The following GPHN variants were observed in gnomAD, a reference collection of about 807,000 sequenced individuals.
GPHN encodes the protein gephyrin.
Under a neutral mutation model 95.5 loss-of-function variants are expected in GPHN, and 17 were observed. The observed-to-expected ratio is 0.18, with a 90% confidence interval of 0.12 to 0.27. The LOEUF is 0.27. Ranked by LOEUF, GPHN falls within the 10% of genes least tolerant of loss-of-function variation. GPHN has a pLI of 1.00. For missense variants in GPHN, 660 were observed against 978.1 expected (o/e 0.67, Z 4.34); for synonymous variants, 320 against 322.5 (o/e 0.99, Z 0.08).
the GPHN span, among the ~76,000 whole-genome samples, chr14:67,342,557 C>CTTTTTTTTT: frequency 2.9e-5 from 4 of 136,960 alleles, no homozygotes; most frequent in East Asian, 2.1e-4. Context: ...ACGAATTATC[C>CTTTTTTTTT]TTTTTTTTTT....
chr14:66,788,450 T>C (rs1253272243), intron 3 of GPHN, among the ~76,000 whole-genome samples: 1 of 152,260 alleles, frequency 6.6e-6, no homozygotes, highest in Admixed American at 6.5e-5. Context: ...AATGATAACA[T>C]ACTGTAAATC....
chr14:66,824,407 G>A, intron 3 of GPHN, 67 bp from the exon 4 acceptor site: 1 of 780,760 alleles, frequency 1.3e-6, no homozygotes, highest in Non-Finnish European at 2.3e-6. Context: ...AAGTGTCCTA[G>A]GACTGGGATG....
At chr14:67,619,675 G>A in the GPHN span, 2 of 291,626 alleles carry the variant, frequency 6.9e-6, no homozygotes, top group East Asian at 1.3e-4. Flanking sequence ...TTACTGGCCA[G>A]ACCCGGATAT....
In GPHN at chr14:66,681,162, A is replaced by G. The variant is rs766759434; in HGVS notation, c.120A>G (p.Lys40=). 11 of 1,593,748 alleles carry G rather than the reference A, an allele frequency of 6.9e-6. No individual in the cohort carries two copies. Among genetic ancestry groups the G allele is most frequent in the Non-Finnish European group, 9.5e-6 (11 of 1,162,724 alleles). ...LAEDRSGINL[K]DLVQDPSLLG... ...AAGACCGCAGTGGGATAAATCTCAA[A>G]GATCTCGTACAAGATCCTTCTTTGT... The change falls in exon 2 of 23, where the codon AAA becomes AAG. Residue 40 remains lysine, a synonymous_variant. Transcript: ENST00000478722.
At chr14:67,327,883 T>G in the GPHN span, among the ~76,000 whole-genome samples, 23,549 of 152,160 alleles carry the variant, frequency 0.15, 3,441 homozygotes, top group East Asian at 0.42. Flanking sequence ...TAATCCAGTC[T>G]ATCATTGATT....
chr14:67,393,042 C>CCA, the GPHN span: 2 of 964,294 alleles, frequency 2.1e-6, no homozygotes, highest in African/African-American at 3.2e-5. Context: ...AGCCTGTTGC[C>CCA]CAGCAGGCAG....
At chr14:67,479,274 C>T in the GPHN span, among the ~76,000 whole-genome samples, 2 of 151,484 alleles carry the variant, frequency 1.3e-5, no homozygotes, top group African/African-American at 4.8e-5. Context: ...GGCGTGGTGG[C>T]GTGTGCCTGT....
intron 3 of GPHN, among the ~76,000 whole-genome samples, chr14:66,806,207 C>T (rs1181156609): frequency 6.6e-6 from 1 of 152,206 alleles, no homozygotes; most frequent in Non-Finnish European, 1.5e-5. Flanking sequence ...CTTTCAGCCA[C>T]TGCTGGAGCG....
At chr14:66,997,131 C>T (rs1245458441) in intron 9 of GPHN, among the ~76,000 whole-genome samples, 3 of 151,778 alleles carry the variant, frequency 2.0e-5, no homozygotes, top group Admixed American at 6.6e-5. Context: ...TTTGTGAGGC[C>T]GAGATGGGTG....
intron 3 of GPHN, among the ~76,000 whole-genome samples, chr14:66,824,098 T>C (rs1430744595): frequency 6.6e-6 from 1 of 152,150 alleles, no homozygotes; most frequent in African/African-American, 2.4e-5. Flanking sequence ...TAAAGACCCT[T>C]CTAGCTCCAA....
chr14:67,620,417 G>A, the GPHN span, among the ~76,000 whole-genome samples: 1 of 152,058 alleles, frequency 6.6e-6, no homozygotes, highest in Non-Finnish European at 1.5e-5. Context: ...TCCTTGGAGG[G>A]GCTGGAGGAG....
chr14:66,678,987 G>C (rs1463727453), intron 1 of GPHN, among the ~76,000 whole-genome samples: 1 of 152,230 alleles, frequency 6.6e-6, no homozygotes, highest in Non-Finnish European at 1.5e-5. Flanking sequence ...AGTGTTAGCA[G>C]TGGGTTGTTC....
chr14:67,641,729 C>T, the GPHN span, among the ~76,000 whole-genome samples: 231 of 152,218 alleles, frequency 1.5e-3, no homozygotes, highest in Non-Finnish European at 3.7e-4. Flanking sequence ...CAGTTGAGGT[C>T]AGAAGTTTGA....
chr14:66,589,324 G>C (rs1214352541), intron 1 of GPHN, among the ~76,000 whole-genome samples: 1 of 152,070 alleles, frequency 6.6e-6, no homozygotes, highest in East Asian at 1.9e-4. Flanking sequence ...AACCGCATCA[G>C]CTAATGGGCA....
chr14:67,566,034 G>C, the GPHN span, among the ~76,000 whole-genome samples: 74 of 152,296 alleles, frequency 4.9e-4, no homozygotes, highest in African/African-American at 1.7e-3. Flanking sequence ...CAGTAGAATC[G>C]CTTGAACCCA....
chr14:67,292,903 C>T, the GPHN span, among the ~76,000 whole-genome samples: 3 of 152,086 alleles, frequency 2.0e-5, no homozygotes, highest in Non-Finnish European at 4.4e-5. Flanking sequence ...AAAAAGTTTA[C>T]TTCAGAGTCA....
At chr14:66,760,146 G>C (rs1372956631) in intron 2 of GPHN, among the ~76,000 whole-genome samples, 5 of 152,082 alleles carry the variant, frequency 3.3e-5, no homozygotes, top group African/African-American at 1.2e-4. Flanking sequence ...TAGAATGTAA[G>C]ATCCATGAAT....
intron 3 of GPHN, among the ~76,000 whole-genome samples, chr14:66,804,137 C>T (rs1315060636): frequency 1.3e-5 from 2 of 152,244 alleles, no homozygotes; most frequent in African/African-American, 4.8e-5. Context: ...GAACATTCCT[C>T]CTTCTTCTGT....
the GPHN span, among the ~76,000 whole-genome samples, chr14:67,207,800 A>T: frequency 6.6e-6 from 1 of 152,194 alleles, no homozygotes; most frequent in Non-Finnish European, 1.5e-5. Flanking sequence ...TTTCTTTTAT[A>T]TTATGAGCCC....
Sources: gnomAD v4.1 joint callset for allele counts (sites outside exome capture counted in the v4.1 genomes callset) on GRCh38, gnomAD v4.1.1 for gene constraint, MANE v1.5 for transcripts, NCBI Gene and HGNC (gene_info 2026-07-23, HGNC 2026-07-21) for gene names.